The following CNTNAP5 variants were observed in gnomAD, a reference collection of about 807,000 sequenced individuals.
CNTNAP5 encodes contactin associated protein family member 5.
Under a neutral mutation model 150.2 loss-of-function variants are expected in CNTNAP5, and 72 were observed. The ratio of observed to expected loss-of-function variants is 0.48; its 90% CI spans 0.40 to 0.58. CNTNAP5 has a LOEUF of 0.58. Among genes scored for constraint, CNTNAP5 ranks in the 20% least tolerant of loss-of-function variants. The pLI is 0.00. For synonymous variants in CNTNAP5, 672 were observed against 619.8 expected (o/e 1.08, Z -1.25); for missense variants, 1,636 against 1,626.2 (o/e 1.01, Z -0.10).
intron 3 of CNTNAP5, among the ~76,000 whole-genome samples, chr2:124,390,360 C>G (rs1384208916): frequency 6.6e-6 from 1 of 152,202 alleles, no homozygotes; most frequent in Non-Finnish European, 1.5e-5. Context: ...TACATCTCTT[C>G]CATGATACAG....
At chr2:124,478,442 A>G (rs1693692572) in intron 7 of CNTNAP5, among the ~76,000 whole-genome samples, 1 of 152,148 alleles carries the variant, frequency 6.6e-6, no homozygotes, top group Non-Finnish European at 1.5e-5. Flanking sequence ...TTTAGAAGAA[A>G]AAATGTACAT....
intron 3 of CNTNAP5, among the ~76,000 whole-genome samples, chr2:124,368,387 G>T (rs1181988938): frequency 6.6e-6 from 1 of 152,148 alleles, no homozygotes; most frequent in African/African-American, 2.4e-5. Flanking sequence ...CAGATGTGCT[G>T]CTCGGAATAA....
At chr2:124,477,656 A>ATTTTTTTTTTTT (rs34441550) in intron 7 of CNTNAP5, among the ~76,000 whole-genome samples, 1 of 127,480 alleles carries the variant, frequency 7.8e-6, no homozygotes, top group Non-Finnish European at 1.7e-5. Flanking sequence ...TGCTCATGAC[A>ATTTTTTTTTTTT]TTTTTTTTTT....
chr2:124,521,978 T>C (rs1247379691), intron 8 of CNTNAP5, among the ~76,000 whole-genome samples: 1 of 152,142 alleles, frequency 6.6e-6, no homozygotes, highest in Non-Finnish European at 1.5e-5. Context: ...CTGGGTTCTC[T>C]TCTTCACCCC....
chr2:124,272,935 G>A (rs553372658), intron 3 of CNTNAP5, among the ~76,000 whole-genome samples: 2 of 152,142 alleles, frequency 1.3e-5, no homozygotes, highest in Non-Finnish European at 2.9e-5. Context: ...ACAAATGCAT[G>A]ACCCTGTAGG....
intron 1 of CNTNAP5, among the ~76,000 whole-genome samples, chr2:124,072,657 A>G (rs1322796121): frequency 1.3e-5 from 2 of 151,908 alleles, no homozygotes; most frequent in African/African-American, 4.8e-5. Flanking sequence ...CTAGGAATCA[A>G]CCAGAAAATG....
intron 22 of CNTNAP5, among the ~76,000 whole-genome samples, chr2:124,906,401 G>T (rs894867563): frequency 6.6e-6 from 1 of 152,048 alleles, no homozygotes; most frequent in African/African-American, 2.4e-5. Context: ...CTATGGTATT[G>T]TTTTACCCTC....
intron 3 of CNTNAP5, among the ~76,000 whole-genome samples, chr2:124,251,515 A>T (rs950638317): frequency 1.3e-5 from 2 of 151,900 alleles, no homozygotes; most frequent in East Asian, 3.9e-4. Flanking sequence ...TACTTGCAAA[A>T]AATCTCCCCA....
chr2:124,510,307 A>ATATATATCTATATATC (rs1553474664), intron 8 of CNTNAP5, among the ~76,000 whole-genome samples: 3 of 113,570 alleles, frequency 2.6e-5, no homozygotes, highest in African/African-American at 3.6e-5. Context: ...ATATCTATAT[A>ATATATATCTATATATC]TATATCTATA....
intron 13 of CNTNAP5, among the ~76,000 whole-genome samples, chr2:124,661,331 T>C (rs1042774098): frequency 6.6e-6 from 1 of 152,152 alleles, no homozygotes; most frequent in Non-Finnish European, 1.5e-5. Context: ...TTTCTATTTT[T>C]AATCTTTTAA....
chr2:124,128,845 G>C (rs1469753597), intron 1 of CNTNAP5, among the ~76,000 whole-genome samples: 5 of 152,076 alleles, frequency 3.3e-5, no homozygotes, highest in Admixed American at 3.3e-4. Context: ...CTCACTCATA[G>C]GTGGGAATTG....
At chr2:124,145,820 A>G (rs1206432449) in intron 1 of CNTNAP5, among the ~76,000 whole-genome samples, 6 of 8,026 alleles carry the variant, frequency 7.5e-4, no homozygotes, top group Non-Finnish European at 1.8e-3. Context: ...ATTAAAAAAA[A>G]AAAAAAAAGA....
At chr2:124,743,385 G>T (rs921792305) in intron 13 of CNTNAP5, among the ~76,000 whole-genome samples, 3 of 152,154 alleles carry the variant, frequency 2.0e-5, no homozygotes, top group Non-Finnish European at 4.4e-5. Context: ...CCCGAATCTC[G>T]TTTCTAGCTG....
intron 21 of CNTNAP5, among the ~76,000 whole-genome samples, chr2:124,883,007 C>A (rs1247365505): frequency 6.6e-6 from 1 of 151,708 alleles, no homozygotes; most frequent in African/African-American, 2.4e-5. Context: ...ATGGGAACTA[C>A]AGTTTAAGAT....
chr2:124,518,496 A>G (rs1450978565), intron 8 of CNTNAP5, among the ~76,000 whole-genome samples: 1 of 152,172 alleles, frequency 6.6e-6, no homozygotes, highest in East Asian at 1.9e-4. Context: ...TAGTGTAGCC[A>G]CTTTGGAAAA....
At chr2:124,565,363 G>C (rs1458415101) in intron 11 of CNTNAP5, among the ~76,000 whole-genome samples, 1 of 152,020 alleles carries the variant, frequency 6.6e-6, no homozygotes, top group Admixed American at 6.6e-5. Context: ...ATACCACAAA[G>C]GATAAATGCT....
intron 3 of CNTNAP5, among the ~76,000 whole-genome samples, chr2:124,266,970 A>ATTT (rs70996057): frequency 1.2e-4 from 18 of 148,766 alleles, no homozygotes; most frequent in South Asian, 4.2e-4. Context: ...TAGATGAGAG[A>ATTT]TTTTTTTTTT....
rs139403322 is a variant in CNTNAP5 at position 124,365,299 on chromosome 2, G to A, written c.382-52144G>A. ...CCACTGCACCTCAGCCTTTGCAAGAGAGCAAGACTCTGTCCCAAAAAAAGG... is the reference window on the plus strand; with the variant it reads ...CCACTGCACCTCAGCCTTTGCAAGAAAGCAAGACTCTGTCCCAAAAAAAGG... On this transcript the variant is annotated intron_variant, in intron 3 of 23. Transcript: ENST00000682447. Among the ~76,000 whole-genome samples, 771 of 147,268 alleles carry A rather than the reference G, an allele frequency of 5.2e-3. 13 individuals carry two copies. The highest frequency in any genetic ancestry group is 0.019 in the African/African-American group (740 of 39,982).
At chr2:124,865,576 G>T (rs1030536910) in intron 20 of CNTNAP5, 140 bp downstream of exon 20, 19 of 749,346 alleles carry the variant, frequency 2.5e-5, no homozygotes, top group African/African-American at 7.1e-5. Context: ...AGACTTGGAA[G>T]AACTAGGATA....
Sources: allele counts gnomAD v4.1 joint callset (sites outside exome capture counted in the v4.1 genomes callset), GRCh38; gene constraint gnomAD v4.1.1; transcripts MANE v1.5; gene names NCBI Gene and HGNC (gene_info 2026-07-23, HGNC 2026-07-21).